The following PABPC4L variants were observed in gnomAD, a reference collection of about 807,000 sequenced individuals.
PABPC4L encodes the protein polyadenylate-binding protein 4-like.
For synonymous variants in PABPC4L, 169 were observed against 164.1 expected (o/e 1.03, Z -0.23); for missense variants, 452 against 451.4 (o/e 1.00, Z -0.01).
At chr4:134,134,269 A>G in the PABPC4L span, among the ~76,000 whole-genome samples, 2 of 152,090 alleles carry the variant, frequency 1.3e-5, no homozygotes. Context: ...GCTTTGCAAT[A>G]AAAGCTACTT....
chr4:134,015,645 C>G, the PABPC4L span, among the ~76,000 whole-genome samples: 1,333 of 152,246 alleles, frequency 8.8e-3, 13 homozygotes, highest in Non-Finnish European at 0.015. Flanking sequence ...CTGAGCGTGT[C>G]TGACTAATCT....
chr4:133,981,528 T>A, the PABPC4L span, among the ~76,000 whole-genome samples: 1 of 151,278 alleles, frequency 6.6e-6, no homozygotes, highest in African/African-American at 2.4e-5. Context: ...TTTAGCAGAA[T>A]CAGCACTTTA....
the PABPC4L span, among the ~76,000 whole-genome samples, chr4:134,119,467 T>C: frequency 6.6e-6 from 1 of 151,742 alleles, no homozygotes; most frequent in Non-Finnish European, 1.5e-5. Context: ...GGGGAAATAA[T>C]GTGAGAAGGA....
At chr4:134,180,291 TG>T in the PABPC4L span, among the ~76,000 whole-genome samples, 1 of 152,020 alleles carries the variant, frequency 6.6e-6, no homozygotes, top group African/African-American at 2.4e-5. Flanking sequence ...GAATGACTTT[TG>T]GGTAAATAAT....
At chr4:134,027,507 C>A in the PABPC4L span, among the ~76,000 whole-genome samples, 4 of 152,248 alleles carry the variant, frequency 2.6e-5, no homozygotes, top group South Asian at 8.3e-4. Context: ...AATTTCATAT[C>A]TTCGCTACTG....
chr4:134,125,201 G>GA, the PABPC4L span, among the ~76,000 whole-genome samples: 7 of 151,848 alleles, frequency 4.6e-5, no homozygotes, highest in African/African-American at 1.7e-4. Flanking sequence ...CACCCTGATG[G>GA]AAAAAAACCA....
At chr4:134,067,375 T>A in the PABPC4L span, among the ~76,000 whole-genome samples, 7 of 152,098 alleles carry the variant, frequency 4.6e-5, no homozygotes, top group Non-Finnish European at 8.8e-5. Context: ...CAGTGTAACA[T>A]CCTTTTATTC....
chr4:134,105,753 C>T, the PABPC4L span, among the ~76,000 whole-genome samples: 2 of 151,580 alleles, frequency 1.3e-5, no homozygotes, highest in African/African-American at 4.8e-5. Flanking sequence ...TGAATCAAAA[C>T]TAGAAAGGTG....
chr4:134,032,223 T>C, the PABPC4L span, among the ~76,000 whole-genome samples: 1 of 151,874 alleles, frequency 6.6e-6, no homozygotes, highest in East Asian at 1.9e-4. Flanking sequence ...GTTTTGATTG[T>C]TAAAAAATAA....
At chr4:134,034,708 T>C in the PABPC4L span, among the ~76,000 whole-genome samples, 2 of 151,956 alleles carry the variant, frequency 1.3e-5, no homozygotes, top group East Asian at 3.9e-4. Flanking sequence ...AGGTGGAGCC[T>C]GAAGATGTGA....
chr4:134,071,650 G>A, the PABPC4L span, among the ~76,000 whole-genome samples: 1 of 152,106 alleles, frequency 6.6e-6, no homozygotes, highest in Non-Finnish European at 1.5e-5. Context: ...GTTTGAAAAA[G>A]GAGACTGTTG....
the PABPC4L span, among the ~76,000 whole-genome samples, chr4:134,157,825 A>G: frequency 6.6e-6 from 1 of 151,812 alleles, no homozygotes; most frequent in South Asian, 2.1e-4. Context: ...TTATTCAATA[A>G]AACAATTTTC....
At position 134,199,189 on chromosome 4, in the gene PABPC4L, G is replaced by C. The variant is rs545542403; in HGVS notation, c.*718C>G. On this transcript the variant is annotated 3_prime_UTR_variant, in exon 2 of 2. Transcript: ENST00000421491. ...TAACTTAAGGAATGTAGAAGTTAAG[G>C]TTTTACAGTGCAAGTTACAATTTAG... The C allele has an allele frequency of 6.6e-6, 1 of 151,968 alleles. No homozygotes were observed. Among genetic ancestry groups the C allele is most frequent in the African/African-American group, 2.4e-5 (1 of 41,388 alleles). The allele number at this position is 151,968 out of a possible 1,614,324, so 9.4% of individuals were successfully genotyped here.
chr4:134,167,287 G>T, the PABPC4L span, among the ~76,000 whole-genome samples: 1 of 152,026 alleles, frequency 6.6e-6, no homozygotes, highest in Non-Finnish European at 1.5e-5. Context: ...GATACTGGGG[G>T]AGCCTGTGTG....
At chr4:133,994,618 T>A in the PABPC4L span, among the ~76,000 whole-genome samples, 5 of 152,098 alleles carry the variant, frequency 3.3e-5, no homozygotes, top group South Asian at 8.3e-4. Context: ...CTGTGTCCAA[T>A]AAGCAATTTT....
chr4:133,978,553 CTGTGTG>C, the PABPC4L span, among the ~76,000 whole-genome samples: 3 of 148,814 alleles, frequency 2.0e-5, no homozygotes, highest in East Asian at 5.9e-4. Flanking sequence ...GAGGTGGAGG[CTGTGTG>C]TGTGTGTGTG....
At chr4:134,125,858 T>A in the PABPC4L span, among the ~76,000 whole-genome samples, 1 of 152,028 alleles carries the variant, frequency 6.6e-6, no homozygotes, top group Non-Finnish European at 1.5e-5. Context: ...TGTTGAATTG[T>A]GATGTTTATT....
chr4:134,056,999 G>A, the PABPC4L span, among the ~76,000 whole-genome samples: 1 of 152,032 alleles, frequency 6.6e-6, no homozygotes, highest in African/African-American at 2.4e-5. Context: ...TCATCATTAA[G>A]TATAACATTA....
chr4:134,115,693 G>A, the PABPC4L span, among the ~76,000 whole-genome samples: 1 of 151,850 alleles, frequency 6.6e-6, no homozygotes, highest in East Asian at 1.9e-4. Context: ...GAAATAGTGA[G>A]GGTTTCGCTG....
Sources: allele counts gnomAD v4.1 joint callset (sites outside exome capture counted in the v4.1 genomes callset), GRCh38; gene constraint gnomAD v4.1.1; transcripts MANE v1.5; gene names NCBI Gene and HGNC (gene_info 2026-07-23, HGNC 2026-07-21).